UNC13C: variants seen among roughly 807,000 people sequenced by gnomAD.
The protein encoded by UNC13C is unc-13 homolog C.
In UNC13C, 174 loss-of-function variants were observed where a neutral mutation model predicts 245.4. The observed-to-expected ratio is 0.71, with a 90% confidence interval of 0.63 to 0.80. UNC13C has a LOEUF of 0.80. Among genes scored for constraint, UNC13C ranks in the 30% least tolerant of loss-of-function variants. UNC13C has a pLI of 0.00. For missense variants in UNC13C, 2,829 were observed against 2,602.9 expected (o/e 1.09, Z -1.89); for synonymous variants, 992 against 895.1 (o/e 1.11, Z -1.93).
chr15:54,163,699 G>C (rs2033060506), intron 4 of UNC13C, among the ~76,000 whole-genome samples: 1 of 152,126 alleles, frequency 6.6e-6, no homozygotes. Context: ...TATCTGCTAG[G>C]TGCTTTATGC....
At chr15:54,616,029 T>G (rs1449242339) in intron 30 of UNC13C, among the ~76,000 whole-genome samples, 2 of 152,078 alleles carry the variant, frequency 1.3e-5, no homozygotes, top group African/African-American at 4.8e-5. Flanking sequence ...GTTTCAATCC[T>G]AAAATATTTA....
At chr15:53,999,162 C>T (rs559540024) in intron 1 of UNC13C, among the ~76,000 whole-genome samples, 16 of 151,926 alleles carry the variant, frequency 1.1e-4, no homozygotes, top group African/African-American at 3.9e-4. Context: ...GAGTTTGTTT[C>T]AAATTAACAC....
chr15:54,228,021 C>G (rs1325557124), intron 4 of UNC13C, among the ~76,000 whole-genome samples: 1 of 152,188 alleles, frequency 6.6e-6, no homozygotes, highest in African/African-American at 2.4e-5. Context: ...AGGAATCTAC[C>G]TGGTGCTCTA....
intron 28 of UNC13C, among the ~76,000 whole-genome samples, chr15:54,551,023 T>C (rs907619147): frequency 6.6e-6 from 1 of 152,184 alleles, no homozygotes; most frequent in Non-Finnish European, 1.5e-5. Flanking sequence ...CTATTTCATT[T>C]TCAAGTGATG....
chr15:54,400,792 G>A (rs2040165563), intron 18 of UNC13C, among the ~76,000 whole-genome samples: 1 of 152,118 alleles, frequency 6.6e-6, no homozygotes, highest in Admixed American at 6.6e-5. Context: ...GGGTACATGT[G>A]CACAACGTGC....
At chr15:54,194,238 G>T (rs968728901) in intron 4 of UNC13C, among the ~76,000 whole-genome samples, 1 of 152,090 alleles carries the variant, frequency 6.6e-6, no homozygotes, top group African/African-American at 2.4e-5. Context: ...TACTATAGAT[G>T]ATCATATTTT....
At chr15:54,211,877 A>G (rs75379221) in intron 4 of UNC13C, among the ~76,000 whole-genome samples, 123 of 152,218 alleles carry the variant, frequency 8.1e-4, no homozygotes, top group African/African-American at 2.7e-3. Flanking sequence ...TTCCAATGCT[A>G]TCATTATTGA....
At position 54,158,886 on chromosome 15, in the gene UNC13C, C is replaced by T. The variant is rs2414265; in HGVS notation, c.3071+15202C>T. On this transcript the variant is annotated intron_variant, in intron 4 of 32. Coordinates refer to ENST00000260323, the MANE Select transcript of UNC13C (RefSeq NM_001080534.3). ...CAGGCTGTTCTCAAACTCATGACCT[C>T]AAGTAATCCTCCCGCCTGGCCCCGA... 1.5e-4 allele frequency among the ~76,000 whole-genome samples: 23 copies of T among 151,920 alleles called. 1 individual carries two copies. Among genetic ancestry groups the T allele is most frequent in the Non-Finnish European group, 2.9e-5 (2 of 67,974 alleles).
intron 19 of UNC13C, among the ~76,000 whole-genome samples, chr15:54,493,669 C>T (rs1893823688): frequency 6.6e-6 from 1 of 152,016 alleles, no homozygotes; most frequent in Non-Finnish European, 1.5e-5. Context: ...TCACAGACCT[C>T]AAGCAGAATT....
chr15:54,263,456 A>T (rs916220601), intron 8 of UNC13C, among the ~76,000 whole-genome samples: 1 of 152,196 alleles, frequency 6.6e-6, no homozygotes, highest in Non-Finnish European at 1.5e-5. Context: ...TCTCACTGAC[A>T]GAATGATTTG....
intron 17 of UNC13C, among the ~76,000 whole-genome samples, chr15:54,339,660 T>G (rs948728089): frequency 6.6e-6 from 1 of 151,744 alleles, no homozygotes; most frequent in South Asian, 2.1e-4. Flanking sequence ...TATATATATA[T>G]ATATCACAGT....
intron 2 of UNC13C, among the ~76,000 whole-genome samples, chr15:54,032,949 A>T (rs1896422762): frequency 6.6e-6 from 1 of 152,210 alleles, no homozygotes; most frequent in South Asian, 2.1e-4. Context: ...AAGGAAAGGC[A>T]TAAGAATGAT....
chr15:54,156,072 G>A (rs1001147208), intron 4 of UNC13C, among the ~76,000 whole-genome samples: 2 of 152,086 alleles, frequency 1.3e-5, no homozygotes, highest in African/African-American at 4.8e-5. Flanking sequence ...CAGTTATTCT[G>A]GTCAAACAAT....
chr15:54,188,735 T>A (rs1439821980), intron 4 of UNC13C, among the ~76,000 whole-genome samples: 1 of 152,204 alleles, frequency 6.6e-6, no homozygotes, highest in African/African-American at 2.4e-5. Flanking sequence ...ATCTCACTGA[T>A]CCTCACAGCT....
chr15:54,555,505 C>T lies in UNC13C; in HGVS notation c.5951C>T (p.Thr1984Ile), dbSNP rs1221513210. The change falls in exon 29 of 33, where the codon ACC becomes ATC. Residue 1984 changes from threonine (T) to isoleucine (I), a missense_variant. Physicochemically the swap from Thr to Ile is moderately conservative, Grantham distance 89. Transcript: ENST00000260323. Reference protein sequence around the residue: ...QCAIMEVVLATIKQYFHAGGN... With the variant: ...QCAIMEVVLAIIKQYFHAGGN... ...GCTATAATGGAGGTAGTCCTGGCTA[C>T]CATCAAGGTGAGATTATAATGCTCC... is the stretch of plus-strand genomic sequence containing the variant. 6 of 1,610,948 alleles carry T rather than the reference C, an allele frequency of 3.7e-6. No homozygotes were observed. Among genetic ancestry groups the T allele is most frequent in the Non-Finnish European group, 5.1e-6 (6 of 1,178,224 alleles).
chr15:53,905,399 TACACACACACAC>T, the UNC13C span, among the ~76,000 whole-genome samples: 4 of 123,546 alleles, frequency 3.2e-5, no homozygotes, highest in Non-Finnish European at 5.3e-5. Flanking sequence ...TATTACTTTA[TACACACACACAC>T]ACACACACAC....
chr15:53,876,686 A>G, the UNC13C span, among the ~76,000 whole-genome samples: 1 of 152,098 alleles, frequency 6.6e-6, no homozygotes, highest in Non-Finnish European at 1.5e-5. Flanking sequence ...TATTTTTTCA[A>G]AATGAGGGCC....
At position 54,012,756 on chromosome 15, in the gene UNC13C, C is replaced by A. The variant is rs1268321361; in HGVS notation, c.-148C>A. The A allele has an allele frequency of 1.5e-6, 1 of 647,744 alleles. No homozygotes were observed. The highest frequency in any genetic ancestry group is 2.7e-6 in the Non-Finnish European group (1 of 372,298). The allele number at this position is 647,744 out of a possible 1,614,324, so 40.1% of individuals were successfully genotyped here. On this transcript the variant is annotated 5_prime_UTR_variant, in exon 2 of 33. Transcript: ENST00000260323. ...GCTTCTGGTTTGCACAGGACAGCGA[C>A]AATGTGGCAGAGCCATGCCTGCCCT...
intron 2 of UNC13C, among the ~76,000 whole-genome samples, chr15:54,082,061 A>T (rs1441197320): frequency 6.6e-6 from 1 of 152,232 alleles, no homozygotes; most frequent in African/African-American, 2.4e-5. Context: ...TTGTCAGGAT[A>T]TAAAATGCAT....
Sources: allele counts gnomAD v4.1 joint callset (sites outside exome capture counted in the v4.1 genomes callset), GRCh38; gene constraint gnomAD v4.1.1; transcripts MANE v1.5; gene names NCBI Gene and HGNC (gene_info 2026-07-23, HGNC 2026-07-21).